The following EIF4ENIF1 variants were observed in gnomAD, a reference collection of about 807,000 sequenced individuals.
EIF4ENIF1 encodes eukaryotic translation initiation factor 4E transporter.
EIF4ENIF1 carries 23 observed loss-of-function variants against 110.5 expected under a neutral mutation model. The observed-to-expected ratio is 0.21, with a 90% CI of 0.15 to 0.29. The LOEUF is 0.29. Among genes scored for constraint, EIF4ENIF1 ranks in the 10% least tolerant of loss-of-function variants. The probability of loss-of-function intolerance (pLI) is 1.00; values close to 1 mark genes in which losing one functional copy is unlikely to be tolerated. For missense variants in EIF4ENIF1, 1,031 were observed against 1,221.1 expected (o/e 0.84, Z 2.32); for synonymous variants, 440 against 437.0 (o/e 1.01, Z -0.09).
chr22:31,439,951 C>T lies in EIF4ENIF1; in HGVS notation c.2887G>A (p.Val963Met). 1 of 1,614,178 alleles carries T rather than the reference C, an allele frequency of 6.2e-7. No homozygotes were observed. The highest frequency in any genetic ancestry group is 1.1e-5 in the South Asian group (1 of 91,084). The change falls in exon 19 of 19, where the codon GTG becomes ATG. Residue 963 changes from valine to methionine, a missense_variant. By Grantham distance (21) the Val-to-Met change is conservative (BLOSUM62 1). This residue lies in a region of EIF4ENIF1 where 18 missense variants were observed against 42.3 expected (regional missense o/e 0.43). Coordinates refer to ENST00000330125, the MANE Select transcript of EIF4ENIF1 (RefSeq NM_019843.4). ...VGLAKWFGSDVLQQPLPSMPA... is the reference protein window; with the variant it reads ...VGLAKWFGSDMLQQPLPSMPA... Reference sequence around the variant, plus strand: ...ATGGAGGGCAGGGGTTGCTGTAGCACATCTGAGCCAAACCATTTGGCAAGG... The same window carrying T: ...ATGGAGGGCAGGGGTTGCTGTAGCATATCTGAGCCAAACCATTTGGCAAGG...
intron 7 of EIF4ENIF1, among the ~76,000 whole-genome samples, chr22:31,456,441 T>C (rs9609286): frequency 0.23 from 34,565 of 151,826 alleles, 5,086 homozygotes; most frequent in East Asian, 0.46. Flanking sequence ...GCCAGGATGG[T>C]CTCGATCTCC....
At chr22:31,485,360 CA>C (rs1262521950) in intron 2 of EIF4ENIF1, among the ~76,000 whole-genome samples, 1 of 152,090 alleles carries the variant, frequency 6.6e-6, no homozygotes, top group Non-Finnish European at 1.5e-5. Context: ...TGCAAAGAAA[CA>C]TAAGTCCTAC....
chr22:31,463,814 C>G lies in EIF4ENIF1; in HGVS notation c.452G>C (p.Gly151Ala), dbSNP rs775894962. The G allele has an allele frequency of 6.2e-7, 1 of 1,614,126 alleles. No homozygotes were observed. Among genetic ancestry groups the G allele is most frequent in the Non-Finnish European group, 8.5e-7 (1 of 1,180,046 alleles). Residue 151 changes from glycine to alanine, a missense_variant, in exon 5 of 19, where the codon GGT becomes GCT. Gly to Ala is a moderately conservative substitution (Grantham distance 60). This residue lies in a region of EIF4ENIF1 where 704 missense variants were observed against 879.7 expected (regional missense o/e 0.80). Transcript: ENST00000330125. ...EKDSDGLRLL[G>A]GRRIGSGRII... ...CCTCCCACTGCCAATCCTACGTCCACCAAGCAGACGAAGCCCATCACTATC... is the reference window on the plus strand; with the variant it reads ...CCTCCCACTGCCAATCCTACGTCCAGCAAGCAGACGAAGCCCATCACTATC...
chr22:31,446,192 T>G (rs148287048), intron 14 of EIF4ENIF1, among the ~76,000 whole-genome samples: 614 of 149,020 alleles, frequency 4.1e-3, no homozygotes, highest in African/African-American at 0.015. Context: ...GGCTGAGGCA[T>G]GAGAACTGCT....
intron 17 of EIF4ENIF1, among the ~76,000 whole-genome samples, 200 bp downstream of exon 17, chr22:31,441,570 AAAAG>A (rs1436804226): frequency 2.6e-4 from 39 of 150,982 alleles, no homozygotes; most frequent in African/African-American, 8.8e-4. Context: ...AAAAAAAAAA[AAAAG>A]AATCTTCAAG....
rs552408229 is a variant in EIF4ENIF1, at chr22:31,478,835, C to T, written c.97-6918G>A. 2.1e-3 allele frequency among the ~76,000 whole-genome samples: 318 copies of T among 151,656 alleles called. 2 individuals are homozygous for T. The highest frequency in any genetic ancestry group is 7.3e-3 in the South Asian group (35 of 4,786). On this transcript the variant is annotated intron_variant, in intron 2 of 18. Coordinates refer to ENST00000330125, the MANE Select transcript of EIF4ENIF1 (RefSeq NM_019843.4). ...GGCGTGGTGGCAGGTGCCTGTAGTC[C>T]CAGCTACTCGGGAGGCTGAGGCAGG...
chr22:31,456,793 T>C (rs2050845911), intron 7 of EIF4ENIF1, among the ~76,000 whole-genome samples: 1 of 152,234 alleles, frequency 6.6e-6, no homozygotes, highest in Non-Finnish European at 1.5e-5. Flanking sequence ...GTGCTGGGAT[T>C]ACAGGCATGA....
At chr22:31,485,971 G>C (rs1165169085) in intron 2 of EIF4ENIF1, among the ~76,000 whole-genome samples, 2 of 152,002 alleles carry the variant, frequency 1.3e-5, no homozygotes, top group African/African-American at 2.4e-5. Context: ...AATAGGCCAG[G>C]TGCAGTGGCT....
At chr22:31,464,644 G>A (rs1480065704) in intron 4 of EIF4ENIF1, among the ~76,000 whole-genome samples, 4 of 119,432 alleles carry the variant, frequency 3.3e-5, no homozygotes, top group African/African-American at 1.4e-4. Context: ...CCGCTACACT[G>A]TAGCCTGGGC....
intron 5 of EIF4ENIF1, 126 bp from the exon 6 acceptor site, chr22:31,463,259 C>T (rs2051057405): frequency 3.7e-6 from 3 of 817,234 alleles, no homozygotes; most frequent in Non-Finnish European, 5.7e-6. Context: ...AGGCCCATCA[C>T]CACCCCCACC....
At chr22:31,438,074 C>T (rs556772729), downstream of EIF4ENIF1, among the ~76,000 whole-genome samples, 6 of 152,232 alleles carry the variant, frequency 3.9e-5, no homozygotes, top group African/African-American at 1.2e-4. Context: ...CCCTAACAAA[C>T]GGTCAAGACT....
downstream of EIF4ENIF1, chr22:31,437,054 A>G (rs1291392166): frequency 6.6e-6 from 1 of 152,228 alleles, no homozygotes; most frequent in Non-Finnish European, 1.5e-5. Flanking sequence ...GTCTGGCTTA[A>G]AAGACACTCA....
At chr22:31,482,713 T>C (rs1169184138) in intron 2 of EIF4ENIF1, among the ~76,000 whole-genome samples, 10 of 150,266 alleles carry the variant, frequency 6.7e-5, no homozygotes, top group Admixed American at 6.6e-4. Flanking sequence ...GATTAGTCTA[T>C]TCACTTGACG....
At position 31,439,862 on chromosome 22, in the gene EIF4ENIF1, T is replaced by C. The variant is rs754628757; in HGVS notation, c.*18A>G. On this transcript the variant is annotated 3_prime_UTR_variant, in exon 19 of 19. Transcript: ENST00000330125. ...GTGCCACCACAGGTCCGGGCTTAGT[T>C]GAGTCTGCCTGCCCTGCTCACTGTC... 18 of 1,610,388 alleles carry C rather than the reference T, an allele frequency of 1.1e-5. No individual in the cohort carries two copies. Among genetic ancestry groups the C allele is most frequent in the Non-Finnish European group, 8.5e-7 (1 of 1,179,852 alleles).
At chr22:31,459,204 A>G (rs1405033450) in intron 6 of EIF4ENIF1, among the ~76,000 whole-genome samples, 1 of 152,202 alleles carries the variant, frequency 6.6e-6, no homozygotes, top group Admixed American at 6.5e-5. Context: ...CTAGGATTAC[A>G]GTAGTGAGCC....
At chr22:31,447,725 T>A (rs2050519974) in intron 13 of EIF4ENIF1, among the ~76,000 whole-genome samples, 160 bp from the exon 14 acceptor site, 1 of 152,268 alleles carries the variant, frequency 6.6e-6, no homozygotes, top group Non-Finnish European at 1.5e-5. Context: ...TGAACAAGAT[T>A]AACAATTTAA....
At chr22:31,474,814 GAAACTTTCAGCACCAGTA>G (rs2051516794) in intron 2 of EIF4ENIF1, among the ~76,000 whole-genome samples, 1 of 151,956 alleles carries the variant, frequency 6.6e-6, no homozygotes, top group South Asian at 2.1e-4. Context: ...AAGCAATTCC[GAAACTTTCAGCACCAGTA>G]AAATGCTGCA....
At chr22:31,468,151 A>G in intron 4 of EIF4ENIF1, 24 bp downstream of exon 4, 1 of 1,609,586 alleles carries the variant, frequency 6.2e-7, no homozygotes, top group Non-Finnish European at 8.5e-7. Context: ...CACTAACCCC[A>G]CTTCTGAGTG....
At chr22:31,456,398 T>A (rs1447851777) in intron 7 of EIF4ENIF1, among the ~76,000 whole-genome samples, 5 of 151,878 alleles carry the variant, frequency 3.3e-5, no homozygotes, top group Admixed American at 3.3e-4. Context: ...TAATTTTTTG[T>A]ATTTTTAGTA....
Sources: gnomAD v4.1 joint callset for allele counts (sites outside exome capture counted in the v4.1 genomes callset) on GRCh38, gnomAD v4.1.1 for gene constraint, gnomAD v4.1.1 regional missense constraint, MANE v1.5 for transcripts, NCBI Gene and HGNC (gene_info 2026-07-23, HGNC 2026-07-21) for gene names.